The following BBS4 variants were observed in gnomAD, a reference collection of about 807,000 sequenced individuals.
The protein encoded by BBS4 is BBSome complex member BBS4.
In BBS4, 58 loss-of-function variants were observed where a neutral mutation model predicts 71.4. The ratio of observed to expected loss-of-function variants is 0.81; its 90% CI spans 0.66 to 1.01. The LOEUF (loss-of-function observed/expected upper bound fraction) is 1.01, where lower values mean the gene tolerates loss of function less well. BBS4 is among the 50% of genes least tolerant of loss of function. BBS4 has a pLI of 0.00. For missense variants in BBS4, 660 were observed against 607.9 expected, an observed-to-expected ratio of 1.09 and a Z score of -0.90; for synonymous variants, 228 against 216.8, an observed-to-expected ratio of 1.05 and a Z score of -0.46.
intron 2 of BBS4, among the ~76,000 whole-genome samples, chr15:72,698,768 C>T (rs1276449470): frequency 6.6e-6 from 1 of 152,100 alleles, no homozygotes; most frequent in Non-Finnish European, 1.5e-5. Context: ...ATAATTTATT[C>T]TACAGACTAA....
intron 8 of BBS4, among the ~76,000 whole-genome samples, chr15:72,727,459 A>T (rs189925974): frequency 2.7e-5 from 4 of 150,462 alleles, no homozygotes; most frequent in Admixed American, 2.0e-4. Flanking sequence ...GCTACTTGGT[A>T]TAGCTCTTTG....
At chr15:72,697,286 G>A (rs1051238657) in intron 2 of BBS4, among the ~76,000 whole-genome samples, 5 of 152,158 alleles carry the variant, frequency 3.3e-5, no homozygotes, top group African/African-American at 7.2e-5. Context: ...AAGTATTAAC[G>A]GGACTTTAAC....
chr15:72,705,305 T>A (rs1008023768), intron 2 of BBS4, among the ~76,000 whole-genome samples: 8 of 150,682 alleles, frequency 5.3e-5, no homozygotes, highest in Non-Finnish European at 1.0e-4. Context: ...GAGTCTTGGT[T>A]TTACAGATGA....
intron 7 of BBS4, 105 bp from the exon 8 acceptor site, chr15:72,724,423 G>A: frequency 6.5e-7 from 1 of 1,527,762 alleles, no homozygotes; most frequent in Non-Finnish European, 9.0e-7. Context: ...GAAATGTGAT[G>A]TTCCTATGTC....
intron 1 of BBS4, among the ~76,000 whole-genome samples, chr15:72,690,011 C>T (rs1245356901): frequency 2.0e-5 from 3 of 152,066 alleles, no homozygotes; most frequent in East Asian, 1.9e-4. Flanking sequence ...GGGGTTTCAC[C>T]GTGTTAGCCA....
rs754561494 is a variant in BBS4 at position 72,731,624 on chromosome 15, C to T, written c.934C>T (p.Leu312Phe). Residue 312 changes from leucine (L) to phenylalanine (F), a missense_variant, in exon 12 of 16, where the codon CTT becomes TTT. By Grantham distance (22) the Leu-to-Phe change is conservative. Transcript: ENST00000268057. ...TTGGAAGATTCTGTATAATTTGGGC[C>T]TTGTCCATTTGACCATGCAGCAGTA... ...FDWKILYNLG[L>F]VHLTMQQYAS... The T allele has an allele frequency of 6.2e-6, 10 of 1,614,082 alleles. No individual in the cohort carries two copies. In the South Asian group the frequency reaches 1.1e-4, roughly 18 times the overall value.
intron 2 of BBS4, among the ~76,000 whole-genome samples, chr15:72,702,384 A>G (rs548311644): frequency 3.3e-5 from 5 of 152,270 alleles, no homozygotes; most frequent in African/African-American, 9.6e-5. Flanking sequence ...TCTGAATTGC[A>G]TAACTCACTG....
Position 72,735,946 on chromosome 15 carries a change from T to C in BBS4, c.1228T>C (p.Ser410Pro). 1 of 1,614,010 alleles carries C rather than the reference T, an allele frequency of 6.2e-7. No homozygotes were observed. Among genetic ancestry groups the C allele is most frequent in the Non-Finnish European group, 8.5e-7 (1 of 1,180,022 alleles). ...KKVSLLKDNS[S>P]LEFDSEMVEM... ...AGTCAGCCTACTCAAGGACAATAGC[T>C]CTCTGGAATTTGACTCTGAGGTATG... Residue 410 changes from serine (S) to proline (P), a missense_variant, in exon 14 of 16, where the codon TCT becomes CCT. By Grantham distance (74) the Ser-to-Pro change is moderately conservative. Transcript: ENST00000268057.
intron 14 of BBS4, 64 bp from the exon 15 acceptor site, chr15:72,736,698 A>T (rs2065930743): frequency 1.3e-6 from 2 of 1,534,462 alleles, no homozygotes; most frequent in Admixed American, 3.4e-5. Flanking sequence ...AAGACCAAAG[A>T]AGTGGGTTGG....
At chr15:72,731,512 G>A in intron 11 of BBS4, 43 bp from the exon 12 acceptor site, 1 of 1,614,196 alleles carries the variant, frequency 6.2e-7, no homozygotes, top group South Asian at 1.1e-5. Flanking sequence ...TATTGGGTCT[G>A]TTTAGCTTGC....
Position 72,711,234 on chromosome 15 carries a change from G to A in BBS4, c.157-1010G>A, listed in dbSNP as rs183632970. 2.9e-3 allele frequency among the ~76,000 whole-genome samples: 443 copies of A among 151,462 alleles called. 2 individuals are homozygous for A. Among genetic ancestry groups the A allele is most frequent in the Non-Finnish European group, 5.2e-3 (352 of 67,918 alleles). The stretch of plus-strand genomic sequence containing the variant: ...GTGACCTCGGCTCACCACAACCTCC[G>A]CCTCCTGGGTTCAAGCGATTGTCCT... On this transcript the variant is annotated intron_variant, in intron 3 of 15. Coordinates refer to ENST00000268057, the MANE Select transcript of BBS4 (RefSeq NM_033028.5).
Position 72,737,581 on chromosome 15 carries a change from G to A in BBS4, c.1554G>A (p.Glu518=), listed in dbSNP as rs752394112. The change falls in exon 16 of 16, where the codon GAG becomes GAA. Residue 518 remains glutamate, a synonymous_variant. Coordinates refer to ENST00000268057, the MANE Select transcript of BBS4 (RefSeq NM_033028.5). ...SPTETSEQIR[E]K ...CTGAAACATCAGAACAAATAAGAGA[G>A]AAATAAGAATAGAATGAATGACCCC... is the stretch of plus-strand genomic sequence containing the variant. 3 of 1,604,356 alleles carry A rather than the reference G, an allele frequency of 1.9e-6. No individual in the cohort carries two copies. The African/African-American group carries it at 4.0e-5, about 21-fold the overall frequency.
In BBS4 at chr15:72,731,840, G is replaced by A. The variant is rs9806635; in HGVS notation, c.1036+114G>A. The A allele has an allele frequency of 0.99, 1,304,670 of 1,315,176 alleles. 647,744 individuals carry two copies. Among genetic ancestry groups the A allele is most frequent in the East Asian group, 1 (42,380 of 42,380 alleles). The allele number at this position is 1,315,176 out of a possible 1,614,324, so 81.5% of individuals were successfully genotyped here. A position where few individuals can be genotyped will look rare whatever the true frequency, so the allele number is the denominator to read the frequency against. On this transcript the variant is annotated intron_variant, in intron 12 of 15. Coordinates refer to ENST00000268057, the MANE Select transcript of BBS4 (RefSeq NM_033028.5). ...TAGGAGCCATTCCCTTAGAGATCCTGTAGGAATCTGGATTACTGTCCTGGA... is the reference window on the plus strand; with the variant it reads ...TAGGAGCCATTCCCTTAGAGATCCTATAGGAATCTGGATTACTGTCCTGGA...
intron 6 of BBS4, 57 bp from the exon 7 acceptor site, chr15:72,722,737 C>A: frequency 6.7e-7 from 1 of 1,497,582 alleles, no homozygotes; most frequent in South Asian, 1.1e-5. Flanking sequence ...TTGTTTCACT[C>A]TAATACTTAC....
At chr15:72,720,486 C>CAA (rs60677539) in intron 6 of BBS4, among the ~76,000 whole-genome samples, 17 of 121,446 alleles carry the variant, frequency 1.4e-4, no homozygotes, top group African/African-American at 4.7e-4. Context: ...GACCCTGTCT[C>CAA]AAAAAAAAAA....
intron 8 of BBS4, 93 bp downstream of exon 8, chr15:72,724,748 T>C (rs1352969448): frequency 6.7e-7 from 1 of 1,500,738 alleles, no homozygotes; most frequent in East Asian, 2.4e-5. Flanking sequence ...ATATGTTTGA[T>C]TAATTACTTA....
intron 1 of BBS4, among the ~76,000 whole-genome samples, chr15:72,693,099 A>G (rs990753364): frequency 1.3e-5 from 2 of 152,236 alleles, no homozygotes; most frequent in Admixed American, 6.5e-5. Context: ...AAATGTTGCT[A>G]CTACAGGGAC....
intron 1 of BBS4, among the ~76,000 whole-genome samples, chr15:72,691,843 G>A (rs1032544227): frequency 1.3e-5 from 2 of 151,802 alleles, no homozygotes; most frequent in Non-Finnish European, 2.9e-5. Context: ...CGCGCCTGTA[G>A]TCCCTGCTAC....
In BBS4 at chr15:72,737,533, G is replaced by A. The variant is rs1214707384; in HGVS notation, c.1506G>A (p.Glu502=). 6.2e-7 allele frequency: 1 copy of A among 1,613,120 alleles called. No individual in the cohort carries two copies. The highest frequency in any genetic ancestry group is 1.7e-5 in the Admixed American group (1 of 59,872). The change falls in exon 16 of 16, where the codon GAG becomes GAA. Residue 502 remains glutamate (E), a synonymous_variant. Coordinates refer to ENST00000268057, the MANE Select transcript of BBS4 (RefSeq NM_033028.5). ...CCCCATCTCTTCCTCTGGAGCCAGA[G>A]CCTGCGGTGGAATCAAGTCCAACTG... is the stretch of plus-strand genomic sequence containing the variant. ...TKPPSLPLEP[E]PAVESSPTET...
Sources: allele counts gnomAD v4.1 joint callset (sites outside exome capture counted in the v4.1 genomes callset), GRCh38; gene constraint gnomAD v4.1.1; transcripts MANE v1.5; gene names NCBI Gene and HGNC (gene_info 2026-07-23, HGNC 2026-07-21).